CCDC33: variants seen among roughly 807,000 people sequenced by gnomAD.
CCDC33 encodes the protein coiled-coil domain containing 33, also known as coiled-coil domain-containing protein 33.
A neutral mutation model predicts 91.9 loss-of-function variants in CCDC33; 94 were observed. The ratio of observed to expected loss-of-function variants is 1.02; its 90% CI spans 0.87 to 1.21. CCDC33 has a LOEUF of 1.21. Ranked by LOEUF, CCDC33 falls within the 50% of genes most tolerant of loss-of-function variation. The pLI is 0.00. For synonymous variants in CCDC33, 396 were observed against 374.5 expected, an observed-to-expected ratio of 1.06 and a Z score of -0.66; for missense variants, 940 against 935.5, an observed-to-expected ratio of 1.00 and a Z score of -0.06.
intron 11 of CCDC33, among the ~76,000 whole-genome samples, chr15:74,313,124 T>A (rs548864748): frequency 6.6e-6 from 1 of 152,300 alleles, no homozygotes; most frequent in African/African-American, 2.4e-5. Context: ...CACTTGGAAG[T>A]CTCTGTTTCC....
In CCDC33 at chr15:74,244,886, G is replaced by A. The variant is rs1002773413; in HGVS notation, c.185+738G>A. Reference sequence around the variant, plus strand: ...CCTAGACCTTCTATAGACAGACGGCGGGAGCCTTGGTGGCCTCCCACCAAG... The same window carrying A: ...CCTAGACCTTCTATAGACAGACGGCAGGAGCCTTGGTGGCCTCCCACCAAG... On this transcript the variant is annotated intron_variant, in intron 2 of 18. Coordinates refer to ENST00000398814, the MANE Select transcript of CCDC33 (RefSeq NM_025055.5). This position sits in a 1 kb window ranked among gnomAD's most constrained non-coding sequence, Gnocchi z 4.2. Among the ~76,000 whole-genome samples the A allele has an allele frequency of 3.3e-5, 5 of 152,068 alleles. No individual in the cohort carries two copies. Among genetic ancestry groups the A allele is most frequent in the Admixed American group, 1.3e-4 (2 of 15,278 alleles).
At chr15:74,205,832 A>C (rs776650730) in intron 1 of CCDC33, among the ~76,000 whole-genome samples, 2 of 152,190 alleles carry the variant, frequency 1.3e-5, no homozygotes, top group Non-Finnish European at 2.9e-5. Context: ...GGCCCTAAGC[A>C]GAGGGGAGGA....
At chr15:74,215,509 A>ACACTT (rs2074417258), upstream of CCDC33, among the ~76,000 whole-genome samples, 1 of 152,158 alleles carries the variant, frequency 6.6e-6, no homozygotes, top group Non-Finnish European at 1.5e-5. Context: ...AGTGGTTAGG[A>ACACTT]TGGTACATTT....
At chr15:74,243,389 C>T (rs1047069321) in intron 1 of CCDC33, among the ~76,000 whole-genome samples, 1 of 152,232 alleles carries the variant, frequency 6.6e-6, no homozygotes, top group Non-Finnish European at 1.5e-5. Context: ...TTAGGAATTA[C>T]AGACGAGGAC....
chr15:74,327,672 C>G (rs1428774225), intron 11 of CCDC33, among the ~76,000 whole-genome samples: 2 of 151,988 alleles, frequency 1.3e-5, no homozygotes, highest in Non-Finnish European at 2.9e-5. Flanking sequence ...TGCTCATGCC[C>G]CAAAACAGCT....
chr15:74,243,573 G>A (rs372899538), intron 1 of CCDC33, among the ~76,000 whole-genome samples: 1 of 152,204 alleles, frequency 6.6e-6, no homozygotes, highest in African/African-American at 2.4e-5. Flanking sequence ...CAGAGTGGGC[G>A]GAAGGGTGAC....
At chr15:74,330,123 G>A in intron 11 of CCDC33, 66 bp from the exon 12 acceptor site, 1 of 1,508,630 alleles carries the variant, frequency 6.6e-7, no homozygotes. Flanking sequence ...TTCAAGTGTA[G>A]ATGTGGATGT....
At chr15:74,321,864 G>C (rs2060213825) in intron 11 of CCDC33, among the ~76,000 whole-genome samples, 1 of 152,180 alleles carries the variant, frequency 6.6e-6, no homozygotes, top group Non-Finnish European at 1.5e-5. Flanking sequence ...AGGCAGGGAG[G>C]CCCTTCCCTG....
At chr15:74,217,054 G>T (rs1255202732), upstream of CCDC33, 4 of 271,452 alleles carry the variant, frequency 1.5e-5, no homozygotes, top group South Asian at 4.0e-5. Flanking sequence ...AGAAATATTT[G>T]TTGAAGGAAC....
chr15:74,276,556 C>T (rs563856979), intron 7 of CCDC33, among the ~76,000 whole-genome samples: 1 of 152,294 alleles, frequency 6.6e-6, no homozygotes, highest in South Asian at 2.1e-4. Context: ...CCCCTCAGGC[C>T]CCTGCCATCC....
At chr15:74,334,088 G>A (rs149705756) in intron 17 of CCDC33, 121 bp downstream of exon 17, 9,315 of 851,164 alleles carry the variant, frequency 0.011, 109 homozygotes, top group South Asian at 0.028. Context: ...CTTAGTGTGT[G>A]GCCAGGGTCG....
In CCDC33 at chr15:74,315,012, G is replaced by A. The variant is rs143662743; in HGVS notation, c.1291-15177G>A. Among the ~76,000 whole-genome samples, 9 of 152,334 alleles carry A rather than the reference G, an allele frequency of 5.9e-5. No homozygotes were observed. The East Asian group carries it at 1.5e-3, about 26-fold the overall frequency. ...CATCCCCCACCCCCGTGTGTCTGAT[G>A]CGGTGGTTTTATTGCGGGCAGTGAG... On this transcript the variant is annotated intron_variant, in intron 11 of 18. Coordinates refer to ENST00000398814, the MANE Select transcript of CCDC33 (RefSeq NM_025055.5).
At chr15:74,274,302 G>C (rs2076396279) in intron 7 of CCDC33, among the ~76,000 whole-genome samples, 1 of 151,982 alleles carries the variant, frequency 6.6e-6, no homozygotes, top group African/African-American at 2.4e-5. Flanking sequence ...CTGGGTTCAG[G>C]GGAATAGCCA....
At chr15:74,285,328 T>C (rs963591581) in intron 10 of CCDC33, among the ~76,000 whole-genome samples, 1 of 152,112 alleles carries the variant, frequency 6.6e-6, no homozygotes, top group African/African-American at 2.4e-5. Context: ...AGAAGCAGCA[T>C]GGTGAAATTT....
chr15:74,271,662 G>C (rs975885379), intron 5 of CCDC33, 41 bp from the exon 6 acceptor site: 17 of 1,526,344 alleles, frequency 1.1e-5, no homozygotes, highest in Non-Finnish European at 1.5e-5. Flanking sequence ...AGGTCCCAAG[G>C]CCACATGGTG....
chr15:74,331,299 G>A lies in CCDC33; in HGVS notation c.1771+3G>A, dbSNP rs2142882516. 1 of 1,613,654 alleles carries A rather than the reference G, an allele frequency of 6.2e-7. No homozygotes were observed. Among genetic ancestry groups the A allele is most frequent in the Non-Finnish European group, 8.5e-7 (1 of 1,179,754 alleles). ...GCAGCAGGGAAAGCCCTACACGGGTGGGTCCACACCCTGATGTGATCAGCT... is the reference window on the plus strand; with the variant it reads ...GCAGCAGGGAAAGCCCTACACGGGTAGGTCCACACCCTGATGTGATCAGCT... On this transcript the variant is annotated splice_donor_region_variant and intron_variant, in intron 15 of 18. Coordinates refer to ENST00000398814, the MANE Select transcript of CCDC33 (RefSeq NM_025055.5).
At chr15:74,248,906 A>G (rs1248883600) in intron 2 of CCDC33, among the ~76,000 whole-genome samples, 3 of 152,130 alleles carry the variant, frequency 2.0e-5, no homozygotes, top group Non-Finnish European at 4.4e-5. Context: ...TCCAACGGGC[A>G]TCTCATCTTT....
At chr15:74,271,650 GAA>G (rs1555412092) in intron 5 of CCDC33, 51 bp from the exon 6 acceptor site, 21 of 1,415,824 alleles carry the variant, frequency 1.5e-5, no homozygotes, top group Non-Finnish European at 2.0e-5. Flanking sequence ...GCTGTCTCTG[GAA>G]GGTCCCAAGG....
intron 11 of CCDC33, among the ~76,000 whole-genome samples, chr15:74,322,488 C>T (rs1380788388): frequency 6.6e-6 from 1 of 152,208 alleles, no homozygotes; most frequent in Non-Finnish European, 1.5e-5. Flanking sequence ...CTGGAGCTAA[C>T]CCAGGATAGA....
Sources: allele counts gnomAD v4.1 joint callset (sites outside exome capture counted in the v4.1 genomes callset), GRCh38; gene constraint gnomAD v4.1.1; non-coding constraint Gnocchi (gnomAD v3.1); transcripts MANE v1.5; gene names NCBI Gene and HGNC (gene_info 2026-07-23, HGNC 2026-07-21).